ADCY3: variants seen among roughly 807,000 people sequenced by gnomAD.
ADCY3 encodes the protein adenylate cyclase type 3.
Under a neutral mutation model 119.4 loss-of-function variants are expected in ADCY3, and 70 were observed. The ratio of observed to expected loss-of-function variants is 0.59; its 90% CI spans 0.48 to 0.72. The LOEUF is 0.72. Ranked by LOEUF, ADCY3 falls within the 30% of genes least tolerant of loss-of-function variation. The probability of loss-of-function intolerance (pLI) is 0.00; values close to 1 mark genes in which losing one functional copy is unlikely to be tolerated. For missense variants in ADCY3, 1,238 were observed against 1,541.6 expected, an observed-to-expected ratio of 0.80 and a Z score of 3.30; for synonymous variants, 672 against 621.4, an observed-to-expected ratio of 1.08 and a Z score of -1.21.
chr2:24,819,960 A>T lies in ADCY3; in HGVS notation c.3407T>A (p.Leu1136Gln). Reference protein sequence around the residue: ...ATFPNGPSVTLPHQVVDNS With the variant: ...ATFPNGPSVTQPHQVVDNS ...GGAGTTGTCCACCACCTGGTGGGGCAGTGTGACAGAGGGGCCATTGGGGAA... is the reference window on the plus strand; with the variant it reads ...GGAGTTGTCCACCACCTGGTGGGGCTGTGTGACAGAGGGGCCATTGGGGAA... The change falls in exon 22 of 22, where the codon CTG (leucine) becomes CAG (glutamine). Residue 1136 changes from leucine to glutamine, a missense_variant. Leu to Gln is a moderately radical substitution (Grantham distance 113). This residue lies in a region of ADCY3 where 86 missense variants were observed against 70.7 expected (regional missense o/e 1.22). Transcript: ENST00000679454. 6.2e-7 allele frequency: 1 copy of T among 1,613,878 alleles called. No individual in the cohort carries two copies. Among genetic ancestry groups the T allele is most frequent in the South Asian group, 1.1e-5 (1 of 91,064 alleles).
At chr2:24,849,093 C>T (rs1036101145) in intron 3 of ADCY3, among the ~76,000 whole-genome samples, 5 of 152,332 alleles carry the variant, frequency 3.3e-5, no homozygotes, top group South Asian at 2.1e-4. Flanking sequence ...GTCACAGCAC[C>T]GTGCTGGCCT....
At position 24,821,993 on chromosome 2, in the gene ADCY3, A is replaced by G. The variant is rs1413341823; in HGVS notation, c.3004-353T>C. On this transcript the variant is annotated intron_variant, in intron 19 of 21. Transcript: ENST00000679454. ...AGGTGATAAGCACTGGAGGGGGATG[A>G]CCCGCCTTGGACGTGTTTCTTTAAC... 4 of 250,356 alleles carry G rather than the reference A, an allele frequency of 1.6e-5. No individual in the cohort carries two copies. The South Asian group carries it at 2.8e-4, about 17-fold the overall frequency. 15.5% of individuals were successfully genotyped at this position (250,356 alleles called of 1,614,324 possible). A position where few individuals can be genotyped will look rare whatever the true frequency, so the allele number is the denominator to read the frequency against.
intron 2 of ADCY3, among the ~76,000 whole-genome samples, chr2:24,910,563 T>C (rs1339037754): frequency 6.6e-6 from 1 of 152,246 alleles, no homozygotes; most frequent in African/African-American, 2.4e-5. Context: ...AATCCTTATT[T>C]GTTCAAACTT....
At chr2:24,911,908 C>G (rs1663732538) in intron 2 of ADCY3, among the ~76,000 whole-genome samples, 1 of 152,178 alleles carries the variant, frequency 6.6e-6, no homozygotes, top group African/African-American at 2.4e-5. Context: ...GACCTGGGCT[C>G]CAATCCTGCT....
chr2:24,820,126 G>C lies in ADCY3; in HGVS notation c.3253-12C>G. ...GTTTCTTCTACCACCTGGAGAGGGA[G>C]GGGGAGCAAGAACGTGGCGTTACGG... On this transcript the variant is annotated splice_polypyrimidine_tract_variant and intron_variant, in intron 21 of 21. Transcript: ENST00000679454. 3.9e-6 allele frequency: 6 copies of C among 1,533,114 alleles called. No individual in the cohort carries two copies. Among genetic ancestry groups the C allele is most frequent in the Non-Finnish European group, 5.3e-6 (6 of 1,140,282 alleles). 95.0% of individuals were successfully genotyped at this position (1,533,114 alleles called of 1,614,324 possible). A position where few individuals can be genotyped will look rare whatever the true frequency, so the allele number is the denominator to read the frequency against.
chr2:24,839,505 G>A (rs1170191212), intron 7 of ADCY3, among the ~76,000 whole-genome samples: 1 of 152,218 alleles, frequency 6.6e-6, no homozygotes, highest in African/African-American at 2.4e-5. Flanking sequence ...GCTAGCTGAT[G>A]ACTGCTCATT....
Position 24,831,060 on chromosome 2 carries a change from G to A in ADCY3, c.2056-235C>T, listed in dbSNP as rs563118176. On this transcript the variant is annotated intron_variant, in intron 12 of 21. Coordinates refer to ENST00000679454, the MANE Select transcript of ADCY3 (RefSeq NM_004036.5). The stretch of plus-strand genomic sequence containing the variant: ...TGTTCAACAGCACAGCCTCCAGGTC[G>A]CAGCCCTTTCCACAGCAGACGTGGT... 4.6e-5 allele frequency among the ~76,000 whole-genome samples: 7 copies of A among 152,194 alleles called. No individual in the cohort carries two copies. In the East Asian group the frequency reaches 5.8e-4, roughly 13 times the overall value.
At chr2:24,864,994 G>T (rs1276053129) in intron 3 of ADCY3, among the ~76,000 whole-genome samples, 1 of 151,902 alleles carries the variant, frequency 6.6e-6, no homozygotes, top group Non-Finnish European at 1.5e-5. Context: ...AATAAATACC[G>T]CTACAAGGAT....
At position 24,838,454 on chromosome 2, in the gene ADCY3, G is replaced by A. The variant is rs1476109480; in HGVS notation, c.1524C>T (p.Leu508=). 7 of 1,612,686 alleles carry A rather than the reference G, an allele frequency of 4.3e-6. No individual in the cohort carries two copies. In the Admixed American group the frequency reaches 1.0e-4, roughly 23 times the overall value. ...EVKKTATQNG[L]NGSALPNGAP... Reference sequence around the variant, plus strand: ...GGGGTGGGGAACTCACCGAGCCATTGAGGCCATTCTGGGTGGCTGTTTTCT... The same window carrying A: ...GGGGTGGGGAACTCACCGAGCCATTAAGGCCATTCTGGGTGGCTGTTTTCT... The change falls in exon 8 of 22, where the codon CTC becomes CTT. Residue 508 remains leucine (L), a synonymous_variant. Transcript: ENST00000679454.
intron 2 of ADCY3, among the ~76,000 whole-genome samples, chr2:24,874,123 T>G (rs1207132851): frequency 6.6e-6 from 1 of 152,208 alleles, no homozygotes; most frequent in Non-Finnish European, 1.5e-5. Context: ...TGATCAACAC[T>G]TGCCCTGAGG....
At chr2:24,865,493 G>GTC (rs1674177347) in intron 3 of ADCY3, among the ~76,000 whole-genome samples, 1 of 54,992 alleles carries the variant, frequency 1.8e-5, no homozygotes. Context: ...TATCATCTGT[G>GTC]TGTGTGTGTG....
At chr2:24,886,759 T>G (rs528538172) in intron 2 of ADCY3, among the ~76,000 whole-genome samples, 84 of 152,326 alleles carry the variant, frequency 5.5e-4, no homozygotes, top group African/African-American at 2.0e-3. Context: ...CTCACTGCTC[T>G]CACTCACTCG....
chr2:24,876,585 A>G (rs1160889308), intron 2 of ADCY3, among the ~76,000 whole-genome samples: 1 of 152,186 alleles, frequency 6.6e-6, no homozygotes, highest in African/African-American at 2.4e-5. Context: ...CTCTTTCAGC[A>G]TGAGCAGGGC....
chr2:24,844,947 G>C (rs1345742505), intron 3 of ADCY3, among the ~76,000 whole-genome samples: 1 of 152,180 alleles, frequency 6.6e-6, no homozygotes, highest in Non-Finnish European at 1.5e-5. Context: ...TGCTATTCTT[G>C]TGATAGTGAA....
intron 12 of ADCY3, among the ~76,000 whole-genome samples, chr2:24,831,081 G>C (rs1056075): frequency 3.2e-4 from 48 of 152,216 alleles, no homozygotes; most frequent in Admixed American, 9.8e-4. Flanking sequence ...CACAGCAGAC[G>C]TGGTGACGAG....
chr2:24,916,637 G>A (rs1039168018), intron 2 of ADCY3, among the ~76,000 whole-genome samples: 3 of 151,770 alleles, frequency 2.0e-5, no homozygotes, highest in African/African-American at 4.8e-5. Flanking sequence ...AGCTGAGATC[G>A]CGCCATTGCA....
chr2:24,895,736 C>T (rs930000575), intron 2 of ADCY3, among the ~76,000 whole-genome samples: 1 of 152,064 alleles, frequency 6.6e-6, no homozygotes, highest in East Asian at 1.9e-4. Flanking sequence ...TGTGATCCTC[C>T]CGTCTCAGCC....
At chr2:24,864,200 G>T (rs1397218492) in intron 3 of ADCY3, among the ~76,000 whole-genome samples, 1 of 152,168 alleles carries the variant, frequency 6.6e-6, no homozygotes, top group East Asian at 1.9e-4. Context: ...TGAAGCAGGA[G>T]AATAGCTTGA....
intron 2 of ADCY3, among the ~76,000 whole-genome samples, chr2:24,895,937 T>A (rs1436541476): frequency 6.6e-6 from 1 of 152,218 alleles, no homozygotes; most frequent in African/African-American, 2.4e-5. Flanking sequence ...CTACTATTAA[T>A]CCTATCTACC....
Sources: gnomAD v4.1 joint callset for allele counts (sites outside exome capture counted in the v4.1 genomes callset) on GRCh38, gnomAD v4.1.1 for gene constraint, gnomAD v4.1.1 regional missense constraint, MANE v1.5 for transcripts, NCBI Gene and HGNC (gene_info 2026-07-23, HGNC 2026-07-21) for gene names.